SOX5: variants seen among roughly 807,000 people sequenced by gnomAD.
The protein encoded by SOX5 is transcription factor SOX-5.
SOX5 carries 9 observed loss-of-function variants against 92.0 expected under a neutral mutation model. That is an observed-to-expected ratio of 0.10 (90% confidence interval 0.06 to 0.17). The LOEUF (loss-of-function observed/expected upper bound fraction) is 0.17. Ranked by LOEUF, SOX5 falls within the 10% of genes least tolerant of loss-of-function variation. SOX5 has a pLI of 1.00. For synonymous variants in SOX5, 344 were observed against 336.3 expected (o/e 1.02, Z -0.25); for missense variants, 642 against 944.5 (o/e 0.68, Z 4.20).
intron 13 of SOX5, among the ~76,000 whole-genome samples, chr12:23,540,534 A>T (rs920690820): frequency 3.9e-5 from 6 of 152,170 alleles, no homozygotes; most frequent in South Asian, 2.1e-4. Flanking sequence ...TAAATCTGGC[A>T]ATACACTGAA....
At chr12:24,323,454 C>A (rs1239910697) in intron 2 of SOX5, among the ~76,000 whole-genome samples, 3 of 151,790 alleles carry the variant, frequency 2.0e-5, no homozygotes, top group Admixed American at 6.6e-5. Context: ...AAAACCATTT[C>A]TGTAACTTCA....
chr12:23,756,252 A>G (rs972371748), intron 3 of SOX5, among the ~76,000 whole-genome samples: 4 of 151,810 alleles, frequency 2.6e-5, no homozygotes, highest in Admixed American at 1.3e-4. Flanking sequence ...AAACAAAAAA[A>G]AAATTGGTAT....
At chr12:23,625,758 T>A (rs1222777827) in intron 8 of SOX5, among the ~76,000 whole-genome samples, 1 of 152,118 alleles carries the variant, frequency 6.6e-6, no homozygotes, top group Admixed American at 6.5e-5. Context: ...TACAGGCGCC[T>A]GCCACCACGC....
At chr12:23,554,296 A>G (rs1434005955) in intron 11 of SOX5, among the ~76,000 whole-genome samples, 2 of 152,110 alleles carry the variant, frequency 1.3e-5, no homozygotes, top group African/African-American at 4.8e-5. Flanking sequence ...GGAAAAATAA[A>G]GAATTGGAAA....
chr12:24,104,474 C>T (rs529806234), intron 4 of SOX5, among the ~76,000 whole-genome samples: 2 of 152,182 alleles, frequency 1.3e-5, no homozygotes, highest in African/African-American at 4.8e-5. Context: ...TTTGAAAAAC[C>T]TCTAAAAATT....
intron 4 of SOX5, among the ~76,000 whole-genome samples, chr12:24,195,578 G>A (rs1333598980): frequency 6.6e-6 from 1 of 152,084 alleles, no homozygotes; most frequent in East Asian, 1.9e-4. Flanking sequence ...CAATATATCT[G>A]CCTAACTAGA....
chr12:24,258,039 G>A (rs1941502145), intron 3 of SOX5, among the ~76,000 whole-genome samples: 2 of 152,082 alleles, frequency 1.3e-5, no homozygotes, highest in South Asian at 4.2e-4. Context: ...TGGGCGCGGT[G>A]GCGGGCACCT....
intron 2 of SOX5, among the ~76,000 whole-genome samples, chr12:24,332,178 G>A (rs897457481): frequency 6.6e-6 from 1 of 151,992 alleles, no homozygotes; most frequent in Non-Finnish European, 1.5e-5. Flanking sequence ...TTAAATTTCA[G>A]AACACTGCAG....
chr12:24,021,951 C>A (rs1190279946), intron 4 of SOX5, among the ~76,000 whole-genome samples: 1 of 152,172 alleles, frequency 6.6e-6, no homozygotes, highest in Non-Finnish European at 1.5e-5. Flanking sequence ...ATATTATTTT[C>A]TCATGTATAT....
At chr12:24,405,068 C>A (rs1460632505) in intron 1 of SOX5, among the ~76,000 whole-genome samples, 2 of 152,118 alleles carry the variant, frequency 1.3e-5, no homozygotes, top group South Asian at 4.2e-4. Flanking sequence ...GGAAACTACC[C>A]TTCTGTCAGC....
chr12:24,048,533 T>A (rs1206532850), intron 4 of SOX5, among the ~76,000 whole-genome samples: 1 of 152,158 alleles, frequency 6.6e-6, no homozygotes, highest in Non-Finnish European at 1.5e-5. Flanking sequence ...CAAAAACTTG[T>A]ACATAAATGT....
chr12:23,554,738 G>A (rs1173628217), intron 11 of SOX5, among the ~76,000 whole-genome samples: 1 of 152,116 alleles, frequency 6.6e-6, no homozygotes, highest in Non-Finnish European at 1.5e-5. Context: ...TGATTGGAAA[G>A]ATTCAATGAG....
At chr12:24,211,335 CA>C (rs1390007020) in intron 4 of SOX5, among the ~76,000 whole-genome samples, 1 of 152,184 alleles carries the variant, frequency 6.6e-6, no homozygotes, top group East Asian at 1.9e-4. Context: ...ACATACACAT[CA>C]AAATCTTCAC....
At chr12:24,264,743 T>G (rs1313543482) in intron 3 of SOX5, among the ~76,000 whole-genome samples, 1 of 152,182 alleles carries the variant, frequency 6.6e-6, no homozygotes, top group African/African-American at 2.4e-5. Context: ...ATTATGCTCA[T>G]GAGATAACTG....
intron 4 of SOX5, among the ~76,000 whole-genome samples, chr12:24,153,511 G>A (rs888004105): frequency 2.0e-5 from 3 of 151,984 alleles, no homozygotes; most frequent in African/African-American, 7.2e-5. Context: ...TCTAGAAAAC[G>A]CCAGGATATT....
At chr12:24,364,289 T>C (rs897434348) in intron 2 of SOX5, among the ~76,000 whole-genome samples, 2 of 151,974 alleles carry the variant, frequency 1.3e-5, no homozygotes, top group African/African-American at 2.4e-5. Flanking sequence ...ACAATTCACA[T>C]CTGTAAATGC....
chr12:23,718,878 G>A (rs779380450), intron 6 of SOX5, among the ~76,000 whole-genome samples: 6 of 152,058 alleles, frequency 3.9e-5, no homozygotes, highest in Non-Finnish European at 5.9e-5. Context: ...GCAGTAAAAA[G>A]CTTAGCAAAA....
At chr12:24,440,080 C>A (rs1317664690) in intron 1 of SOX5, among the ~76,000 whole-genome samples, 1 of 152,036 alleles carries the variant, frequency 6.6e-6, no homozygotes, top group Non-Finnish European at 1.5e-5. Flanking sequence ...TTAACTGCCA[C>A]GTAAGTGAAG....
intron 1 of SOX5, among the ~76,000 whole-genome samples, chr12:24,489,387 T>C (rs1423647748): frequency 1.3e-5 from 2 of 152,068 alleles, no homozygotes; most frequent in African/African-American, 2.4e-5. Context: ...TGAAATCTGT[T>C]TGGGAGTGGG....
Sources: allele counts gnomAD v4.1 joint callset (sites outside exome capture counted in the v4.1 genomes callset), GRCh38; gene constraint gnomAD v4.1.1; transcripts MANE v1.5; gene names NCBI Gene and HGNC (gene_info 2026-07-23, HGNC 2026-07-21).